RPS9: variants seen among roughly 807,000 people sequenced by gnomAD.
RPS9 encodes the protein small ribosomal subunit protein uS4.
Under a neutral mutation model 16.9 loss-of-function variants are expected in RPS9, and 1 was observed. That is an observed-to-expected ratio of 0.06 (90% CI 0.02 to 0.28). RPS9 has a LOEUF of 0.28. RPS9 is among the 10% of genes least tolerant of loss of function. RPS9 has a pLI of 1.00. For missense variants in RPS9, 137 were observed against 273.2 expected (o/e 0.50, Z 3.51); for synonymous variants, 106 against 110.9 (o/e 0.96, Z 0.28).
At chr19:54,207,353 C>T (rs888151465) in intron 4 of RPS9, 45 bp from the exon 5 acceptor site, 28 of 1,521,702 alleles carry the variant, frequency 1.8e-5, no homozygotes, top group African/African-American at 5.5e-5. Flanking sequence ...CTGGGGTTAG[C>T]GTCCGTTTCT....
chr19:54,204,329 C>T (rs1254748055), intron 3 of RPS9, among the ~76,000 whole-genome samples: 2 of 152,214 alleles, frequency 1.3e-5, no homozygotes, highest in Non-Finnish European at 2.9e-5. Context: ...CACGCCATTG[C>T]ACTCCAGCCT....
chr19:54,201,453 G>GGACT (rs776083460), intron 2 of RPS9, 34 bp from the exon 3 acceptor site: 2 of 1,613,774 alleles, frequency 1.2e-6, no homozygotes, highest in African/African-American at 2.7e-5. Context: ...CCAGTACGTG[G>GGACT]GACTACACTT....
intron 1 of RPS9, 121 bp from the exon 2 acceptor site, chr19:54,201,039 A>C (rs2077024521): frequency 6.8e-7 from 1 of 1,480,360 alleles, no homozygotes; most frequent in East Asian, 2.5e-5. Flanking sequence ...GATACTGACT[A>C]TGAGAGCGTT....
intron 3 of RPS9, 86 bp downstream of exon 3, chr19:54,201,695 A>G (rs568021182): frequency 6.4e-7 from 1 of 1,571,000 alleles, no homozygotes; most frequent in East Asian, 2.3e-5. Context: ...TCCAGTGATG[A>G]GAGTTGTGTC....
At chr19:54,202,406 GT>G (rs942875302) in intron 3 of RPS9, 1 of 983,556 alleles carries the variant, frequency 1.0e-6, no homozygotes, top group South Asian at 4.7e-5. Context: ...GCTGGTGCTT[GT>G]TTTTTTAAGC....
chr19:54,204,797 T>C (rs17305332), intron 3 of RPS9, among the ~76,000 whole-genome samples: 46,498 of 152,064 alleles, frequency 0.31, 8,379 homozygotes, highest in East Asian at 0.43. Context: ...TCATTTTCAT[T>C]GCCTTTTGGA....
chr19:54,202,202 TGAGACG>T (rs1253042655), intron 3 of RPS9, among the ~76,000 whole-genome samples: 2 of 152,240 alleles, frequency 1.3e-5, no homozygotes, highest in Admixed American at 1.3e-4. Context: ...ATTTTACTTT[TGAGACG>T]GAGTCTCGCT....
At chr19:54,204,230 C>T (rs2077163947) in intron 3 of RPS9, among the ~76,000 whole-genome samples, 1 of 151,988 alleles carries the variant, frequency 6.6e-6, no homozygotes. Flanking sequence ...TGAAAAAATA[C>T]AAAATTAGCG....
chr19:54,206,834 TC>T (rs1457389073), intron 4 of RPS9: 19 of 928,314 alleles, frequency 2.0e-5, no homozygotes, highest in Non-Finnish European at 3.0e-5. Flanking sequence ...CAGACCCCGA[TC>T]CATGACTGCG....
At position 54,201,072 on chromosome 19, in the gene RPS9, G is replaced by A. The variant is rs905888036; in HGVS notation, c.-25-88G>A. ...GTTGGAGGTTATTCTCGCGAGATCGGATCTGGGCTCCGCGAGGTTTTGGCG... is the reference window on the plus strand; with the variant it reads ...GTTGGAGGTTATTCTCGCGAGATCGAATCTGGGCTCCGCGAGGTTTTGGCG... On this transcript the variant is annotated intron_variant, in intron 1 of 4. Transcript: ENST00000302907. 91 of 1,543,814 alleles carry A rather than the reference G, an allele frequency of 5.9e-5. No individual in the cohort carries two copies. The Middle Eastern group carries it at 9.5e-4, about 16-fold the overall frequency.
chr19:54,203,464 TTAA>T lies in RPS9; in HGVS notation c.220+1860_220+1862del, dbSNP rs561198328. 4.7e-5 allele frequency: 12 copies of T among 255,428 alleles called. No individual in the cohort carries two copies. The South Asian group carries it at 1.3e-3, about 28-fold the overall frequency. The allele number at this position is 255,428 out of a possible 1,614,324, so 15.8% of individuals were successfully genotyped here. On this transcript the variant is annotated intron_variant, in intron 3 of 4. Transcript: ENST00000302907. Reference sequence around the variant, plus strand: ...ACAGCCGCCAACATTTGGCTGGCAGTTAATAATCAACAGATAGAGGCCAGGCGT... The same window carrying T: ...ACAGCCGCCAACATTTGGCTGGCAGTTAATCAACAGATAGAGGCCAGGCGT...
intron 3 of RPS9, chr19:54,202,289 G>A (rs34797979): frequency 0.33 from 103,217 of 311,862 alleles, 18,784 homozygotes; most frequent in East Asian, 0.42. Flanking sequence ...GAGTTCAAGC[G>A]ATTCTCCTGT....
intron 3 of RPS9, among the ~76,000 whole-genome samples, chr19:54,204,404 T>C (rs971037978): frequency 2.0e-5 from 3 of 152,164 alleles, no homozygotes; most frequent in African/African-American, 7.2e-5. Flanking sequence ...TTTAAAATCA[T>C]GCCTTTGTTT....
intron 3 of RPS9, chr19:54,202,615 A>G (rs908176622): frequency 6.1e-6 from 6 of 985,076 alleles, no homozygotes; most frequent in South Asian, 4.7e-5. Flanking sequence ...TTTAAAATCT[A>G]CTCTGAGATG....
Position 54,201,038 on chromosome 19 carries a change from T to C in RPS9, c.-25-122T>C. ...CACGGTTGTGGGGGCAGATACTGAC[T>C]ATGAGAGCGTTGGAGGTTATTCTCG... On this transcript the variant is annotated intron_variant, in intron 1 of 4. Coordinates refer to ENST00000302907, the MANE Select transcript of RPS9 (RefSeq NM_001013.4). 3 of 1,484,448 alleles carry C rather than the reference T, an allele frequency of 2.0e-6. No homozygotes were observed. The South Asian group carries it at 4.0e-5, about 20-fold the overall frequency. The allele number at this position is 1,484,448 out of a possible 1,614,324, so 92.0% of individuals were successfully genotyped here. A position where few individuals can be genotyped will look rare whatever the true frequency, so the allele number is the denominator to read the frequency against.
chr19:54,203,918 T>C (rs1381496700), intron 3 of RPS9, among the ~76,000 whole-genome samples: 1 of 152,202 alleles, frequency 6.6e-6, no homozygotes, highest in East Asian at 1.9e-4. Context: ...TTTGCATTTT[T>C]AAAGCATTTT....
In RPS9 at chr19:54,206,823, C is replaced by T. The variant is rs2077257493; in HGVS notation, c.407+361C>T. ...TCCTGGCCCGCTTGTGAAGTTGATT[C>T]CAGACCCCGATCCATGACTGCGTTC... On this transcript the variant is annotated intron_variant, in intron 4 of 4. Coordinates refer to ENST00000302907, the MANE Select transcript of RPS9 (RefSeq NM_001013.4). 6.5e-6 allele frequency: 7 copies of T among 1,074,964 alleles called. No homozygotes were observed. The Admixed American group carries it at 1.5e-4, about 22-fold the overall frequency. The allele number at this position is 1,074,964 out of a possible 1,614,324, so 66.6% of individuals were successfully genotyped here.
At chr19:54,206,946 A>G in intron 4 of RPS9, 2 of 484,946 alleles carry the variant, frequency 4.1e-6, no homozygotes, top group South Asian at 2.5e-5. Flanking sequence ...TCTTCGCCCC[A>G]GCCCTTCACT....
intron 3 of RPS9, among the ~76,000 whole-genome samples, chr19:54,203,881 C>T (rs914705778): frequency 1.0e-4 from 15 of 149,010 alleles, no homozygotes; most frequent in African/African-American, 3.7e-4. Context: ...ATGACAAGGA[C>T]CTGTTTCCCA....
Sources: gnomAD v4.1 joint callset for allele counts (sites outside exome capture counted in the v4.1 genomes callset) on GRCh38, gnomAD v4.1.1 for gene constraint, MANE v1.5 for transcripts, NCBI Gene and HGNC (gene_info 2026-07-23, HGNC 2026-07-21) for gene names.